Variants in MICAL2 observed in about 807,000 individuals in gnomAD.
The protein encoded by MICAL2 is [F-actin]-monooxygenase MICAL2.
In MICAL2, 77 loss-of-function variants were observed where a neutral mutation model predicts 127.3. The ratio of observed to expected loss-of-function variants is 0.60; its 90% confidence interval spans 0.50 to 0.73. MICAL2 has a LOEUF of 0.73. Among genes scored for constraint, MICAL2 ranks in the 30% least tolerant of loss-of-function variants. The probability of loss-of-function intolerance (pLI) is 0.00; values close to 1 mark genes in which losing one functional copy is unlikely to be tolerated. For synonymous variants in MICAL2, 570 were observed against 551.1 expected (o/e 1.03, Z -0.48); for missense variants, 1,351 against 1,434.4 (o/e 0.94, Z 0.94).
intron 16 of MICAL2, among the ~76,000 whole-genome samples, chr11:12,238,259 G>A (rs1397485808): frequency 1.3e-5 from 2 of 152,192 alleles, no homozygotes; most frequent in Admixed American, 1.3e-4. Context: ...TACTCCTGAG[G>A]CCTGTGGGAG....
At chr11:12,120,896 A>G (rs1440715772) in intron 1 of MICAL2, among the ~76,000 whole-genome samples, 1 of 152,212 alleles carries the variant, frequency 6.6e-6, no homozygotes, top group Non-Finnish European at 1.5e-5. Context: ...GGAGGTGCAC[A>G]CTGCCAGACA....
chr11:12,180,536 G>A (rs1857331964), intron 3 of MICAL2, among the ~76,000 whole-genome samples: 1 of 152,068 alleles, frequency 6.6e-6, no homozygotes. Context: ...CTTATCCCTT[G>A]TTAGGGTTTA....
intron 34 of MICAL2, among the ~76,000 whole-genome samples, chr11:12,357,484 A>C (rs1440098890): frequency 6.6e-6 from 1 of 152,220 alleles, no homozygotes; most frequent in African/African-American, 2.4e-5. Flanking sequence ...AGACAGTTGT[A>C]GCCTCACTTT....
intron 7 of MICAL2, among the ~76,000 whole-genome samples, chr11:12,215,305 G>T (rs1323804505): frequency 6.6e-6 from 1 of 152,154 alleles, no homozygotes; most frequent in Non-Finnish European, 1.5e-5. Context: ...GGGGCCCTCT[G>T]CATTGATGCC....
chr11:12,111,886 C>CG (rs1849637434), intron 1 of MICAL2, among the ~76,000 whole-genome samples: 1 of 152,198 alleles, frequency 6.6e-6, no homozygotes, highest in Non-Finnish European at 1.5e-5. Flanking sequence ...AGTGGGCCTC[C>CG]GGTCTCCAGG....
chr11:12,170,291 A>G (rs1856079184), intron 3 of MICAL2, among the ~76,000 whole-genome samples: 1 of 152,048 alleles, frequency 6.6e-6, no homozygotes, highest in Non-Finnish European at 1.5e-5. Flanking sequence ...CTATACAAAA[A>G]ATAGAAAAAT....
At chr11:12,232,991 C>T (rs1341851145) in intron 15 of MICAL2, among the ~76,000 whole-genome samples, 2 of 152,168 alleles carry the variant, frequency 1.3e-5, no homozygotes, top group Non-Finnish European at 2.9e-5. Flanking sequence ...TCCAGCATAT[C>T]CATGGTGTAT....
rs560216940 is a variant in MICAL2, at chr11:12,186,122, C to A, written c.265-18128C>A. Reference sequence around the variant, plus strand: ...CCGTTACAGGATTAACTGGCGCCTGCACTTTTGCTGGAAACTTGTGGGAAG... The same window carrying A: ...CCGTTACAGGATTAACTGGCGCCTGAACTTTTGCTGGAAACTTGTGGGAAG... On this transcript the variant is annotated intron_variant, in intron 3 of 27. Coordinates refer to ENST00000683283, the MANE Select transcript of MICAL2 (RefSeq NM_001282663.2). Among the ~76,000 whole-genome samples the A allele has an allele frequency of 2.0e-5, 3 of 152,354 alleles. No homozygotes were observed. The East Asian group carries it at 5.8e-4, about 29-fold the overall frequency.
At position 12,358,252 on chromosome 11, in the gene MICAL2, C is replaced by T. The variant is rs1356687053; in HGVS notation, c.5690-43C>T. 7 of 1,589,932 alleles carry T rather than the reference C, an allele frequency of 4.4e-6. No homozygotes were observed. The Middle Eastern group carries it at 5.0e-4, about 114-fold the overall frequency. ...GTCCATGCCAAGAACTCTGCCGGGG[C>T]CCAATCTTCTCTGAGCCCAGTGGTT... On this transcript the variant is annotated intron_variant, in intron 34 of 34. Transcript: ENST00000646065.
At chr11:12,241,246 C>T (rs1322584725) in intron 18 of MICAL2, 84 bp downstream of exon 18, 2 of 1,506,338 alleles carry the variant, frequency 1.3e-6, no homozygotes, top group Non-Finnish European at 1.8e-6. Context: ...GCTCTTCCCA[C>T]ACCCCAAGTA....
intron 33 of MICAL2, among the ~76,000 whole-genome samples, chr11:12,351,859 C>T (rs1022671063): frequency 4.0e-5 from 6 of 150,510 alleles, no homozygotes; most frequent in African/African-American, 1.2e-4. Context: ...GGTGTGATCT[C>T]GGCTCACTGC....
At chr11:12,304,637 AACACACACAC>A (rs57280679) in intron 29 of MICAL2, among the ~76,000 whole-genome samples, 4,066 of 128,886 alleles carry the variant, frequency 0.032, 172 homozygotes, top group East Asian at 0.16. Flanking sequence ...CTCTGTCTCA[AACACACACAC>A]ACACACACAC....
At chr11:12,261,276 T>C in intron 26 of MICAL2, 1 of 985,482 alleles carries the variant, frequency 1.0e-6, no homozygotes, top group Non-Finnish European at 1.2e-6. Context: ...CACACTGCCC[T>C]GGGAAAGGAA....
chr11:12,260,182 C>G, intron 26 of MICAL2: 1 of 1,494,132 alleles, frequency 6.7e-7, no homozygotes, highest in Non-Finnish European at 8.9e-7. Flanking sequence ...ACATGGCTGG[C>G]TGCCCCAAAG....
chr11:12,266,634 TA>T (rs1473944305), downstream of MICAL2, among the ~76,000 whole-genome samples: 1 of 152,198 alleles, frequency 6.6e-6, no homozygotes, highest in Non-Finnish European at 1.5e-5. Context: ...CTCCTGATAC[TA>T]GGGAGGCAGA....
rs566089845 is a variant in MICAL2, at chr11:12,258,620, C to G, written c.3231+64C>G. The G allele has an allele frequency of 4.5e-5, 67 of 1,481,660 alleles. 1 individual carries two copies. In the East Asian group the frequency reaches 1.5e-3, roughly 33 times the overall value. The allele number at this position is 1,481,660 out of a possible 1,614,324, so 91.8% of individuals were successfully genotyped here. On this transcript the variant is annotated intron_variant, in intron 25 of 27. Transcript: ENST00000683283. ...CCCCTTGATAAGGGTTTCCAGTGAT[C>G]CTCAAAGTTAGGCCAGCTTTGCTGG...
intron 21 of MICAL2, among the ~76,000 whole-genome samples, chr11:12,246,884 T>G (rs1176562676): frequency 6.6e-6 from 1 of 152,236 alleles, no homozygotes; most frequent in Non-Finnish European, 1.5e-5. Context: ...CCTACAAGCC[T>G]ACAACAATCA....
At chr11:12,239,817 A>G (rs969824865) in intron 17 of MICAL2, among the ~76,000 whole-genome samples, 12 of 152,276 alleles carry the variant, frequency 7.9e-5, no homozygotes, top group African/African-American at 2.7e-4. Context: ...GTATGAAAGC[A>G]GCAGTAGACA....
At chr11:12,211,319 T>C (rs1404662704) in intron 6 of MICAL2, among the ~76,000 whole-genome samples, 1 of 152,092 alleles carries the variant, frequency 6.6e-6, no homozygotes, top group Non-Finnish European at 1.5e-5. Context: ...AGGTGGAGGT[T>C]GCAGTGAGCC....
Sources: allele counts gnomAD v4.1 joint callset (sites outside exome capture counted in the v4.1 genomes callset), GRCh38; gene constraint gnomAD v4.1.1; transcripts MANE v1.5; gene names NCBI Gene and HGNC (gene_info 2026-07-23, HGNC 2026-07-21).